The following GPHN variants were observed in gnomAD, a reference collection of about 807,000 sequenced individuals.
GPHN encodes the protein gephyrin.
In GPHN, 17 loss-of-function variants were observed where a neutral mutation model predicts 95.5. That is an observed-to-expected ratio of 0.18 (90% CI 0.12 to 0.27). The LOEUF (loss-of-function observed/expected upper bound fraction) is 0.27, where lower values mean the gene tolerates loss of function less well. Ranked by LOEUF, GPHN falls within the 10% of genes least tolerant of loss-of-function variation. The pLI, the probability that GPHN is intolerant of heterozygous loss-of-function variation, is 1.00. For missense variants in GPHN, 660 were observed against 978.1 expected, an observed-to-expected ratio of 0.67 and a Z score of 4.34; for synonymous variants, 320 against 322.5, an observed-to-expected ratio of 0.99 and a Z score of 0.08.
the GPHN span, among the ~76,000 whole-genome samples, chr14:67,381,367 G>A: frequency 6.6e-6 from 1 of 152,088 alleles, no homozygotes; most frequent in Non-Finnish European, 1.5e-5. Context: ...GAGTCAAAGG[G>A]TAATGCAATT....
intron 9 of GPHN, among the ~76,000 whole-genome samples, chr14:67,010,289 G>A (rs528226438): frequency 8.6e-5 from 13 of 151,352 alleles, no homozygotes; most frequent in Non-Finnish European, 7.4e-5. Flanking sequence ...GGTGGCTCAC[G>A]CCTGTAATCC....
the GPHN span, among the ~76,000 whole-genome samples, chr14:67,490,006 T>A: frequency 6.6e-6 from 1 of 150,682 alleles, no homozygotes; most frequent in Non-Finnish European, 1.5e-5. Context: ...AAAAAAAAAA[T>A]TCTGTCTATG....
chr14:66,733,938 C>T (rs892555303), intron 2 of GPHN, among the ~76,000 whole-genome samples: 2 of 152,154 alleles, frequency 1.3e-5, no homozygotes, highest in Admixed American at 1.3e-4. Flanking sequence ...TCACCACCGC[C>T]ATTGCCACCA....
intron 10 of GPHN, among the ~76,000 whole-genome samples, chr14:67,027,030 T>A (rs1277611162): frequency 6.6e-6 from 1 of 152,238 alleles, no homozygotes; most frequent in Non-Finnish European, 1.5e-5. Context: ...GTGCAAAATA[T>A]CTAAGCAATA....
At chr14:67,439,540 TC>T in the GPHN span, among the ~76,000 whole-genome samples, 1 of 55,620 alleles carries the variant, frequency 1.8e-5, no homozygotes, top group Non-Finnish European at 3.3e-5. Flanking sequence ...ATAGTTTCTT[TC>T]TTTCTTTCTT....
At chr14:67,068,096 C>T (rs2076138508) in intron 11 of GPHN, among the ~76,000 whole-genome samples, 1 of 151,906 alleles carries the variant, frequency 6.6e-6, no homozygotes, top group South Asian at 2.1e-4. Context: ...GAACAGAGTC[C>T]CAGTGATATT....
At chr14:67,487,241 G>C in the GPHN span, 4 of 152,172 alleles carry the variant, frequency 2.6e-5, no homozygotes, top group Non-Finnish European at 4.4e-5. Context: ...AACATTGCAA[G>C]GGCCTGGGCT....
chr14:67,561,786 G>A, the GPHN span, among the ~76,000 whole-genome samples: 1 of 150,600 alleles, frequency 6.6e-6, no homozygotes, highest in East Asian at 2.0e-4. Context: ...GGGAGGATCA[G>A]TTGGGCCTGG....
At chr14:66,814,138 G>A (rs1290302979) in intron 3 of GPHN, among the ~76,000 whole-genome samples, 1 of 152,118 alleles carries the variant, frequency 6.6e-6, no homozygotes, top group Admixed American at 6.5e-5. Context: ...CCCTTGGTAA[G>A]CACAGAGCTG....
At chr14:67,621,322 C>A in the GPHN span, among the ~76,000 whole-genome samples, 1 of 152,118 alleles carries the variant, frequency 6.6e-6, no homozygotes, top group Non-Finnish European at 1.5e-5. Context: ...TTATCAGTCT[C>A]GCCAGTTTTC....
intron 9 of GPHN, among the ~76,000 whole-genome samples, chr14:67,008,288 C>A (rs1479750841): frequency 6.6e-6 from 1 of 151,760 alleles, no homozygotes; most frequent in African/African-American, 2.4e-5. Context: ...CCCATCTCTA[C>A]TAAAAATACA....
the GPHN span, chr14:67,733,838 G>C: frequency 1.2e-6 from 2 of 1,611,236 alleles, no homozygotes. Flanking sequence ...CTAGGAATCC[G>C]GTGGGAGTAG....
chr14:66,914,791 C>T (rs1344576828), intron 5 of GPHN, among the ~76,000 whole-genome samples: 1 of 151,904 alleles, frequency 6.6e-6, no homozygotes, highest in Non-Finnish European at 1.5e-5. Context: ...ATCATATTGA[C>T]AAAAAGCTAA....
chr14:67,204,496 C>T, the GPHN span: 10 of 1,569,518 alleles, frequency 6.4e-6, no homozygotes, highest in Middle Eastern at 1.9e-4. Context: ...ATAAGCCTCC[C>T]ATCAGGTCTC....
chr14:67,066,867 G>T (rs987877414), intron 11 of GPHN, among the ~76,000 whole-genome samples: 4 of 152,136 alleles, frequency 2.6e-5, no homozygotes, highest in African/African-American at 9.7e-5. Context: ...CTTGTGATGG[G>T]TTAGAACATG....
At chr14:67,033,649 A>G (rs2074291344) in intron 10 of GPHN, among the ~76,000 whole-genome samples, 1 of 152,142 alleles carries the variant, frequency 6.6e-6, no homozygotes, top group Non-Finnish European at 1.5e-5. Context: ...GAGAAAAGGG[A>G]CACCAAACTT....
chr14:67,625,680 C>CAA, the GPHN span, among the ~76,000 whole-genome samples: 156 of 32,002 alleles, frequency 4.9e-3, 4 homozygotes, highest in African/African-American at 0.011. Context: ...AACTCCATCT[C>CAA]AAAAAAAAAA....
At chr14:66,930,339 T>C (rs2066720042) in intron 8 of GPHN, among the ~76,000 whole-genome samples, 2 of 152,092 alleles carry the variant, frequency 1.3e-5, no homozygotes, top group Non-Finnish European at 2.9e-5. Flanking sequence ...GAGGTTACCA[T>C]GAGCCTTGCA....
the GPHN span, among the ~76,000 whole-genome samples, chr14:67,332,394 A>C: frequency 6.6e-6 from 1 of 152,212 alleles, no homozygotes; most frequent in Admixed American, 6.5e-5. Context: ...CTCCAACCAG[A>C]AAGGTTCACT....
Sources: gnomAD v4.1 joint callset for allele counts (sites outside exome capture counted in the v4.1 genomes callset) on GRCh38, gnomAD v4.1.1 for gene constraint, MANE v1.5 for transcripts, NCBI Gene and HGNC (gene_info 2026-07-23, HGNC 2026-07-21) for gene names.